IPCEF1: variants seen among roughly 807,000 people sequenced by gnomAD.
IPCEF1 encodes the protein interactor protein for cytohesin exchange factors 1.
IPCEF1 carries 31 observed loss-of-function variants against 50.9 expected under a neutral mutation model. That is an observed-to-expected ratio of 0.61 (90% confidence interval 0.46 to 0.82). The LOEUF is 0.82. IPCEF1 is among the 40% of genes least tolerant of loss of function. The pLI is 0.00. For synonymous variants in IPCEF1, 181 were observed against 192.0 expected, an observed-to-expected ratio of 0.94 and a Z score of 0.47; for missense variants, 458 against 514.0, an observed-to-expected ratio of 0.89 and a Z score of 1.05.
chr6:154,185,516 A>T (rs1399612017), intron 10 of IPCEF1, among the ~76,000 whole-genome samples: 1 of 152,246 alleles, frequency 6.6e-6, no homozygotes, highest in Non-Finnish European at 1.5e-5. Flanking sequence ...TGTATGGCTG[A>T]TATAATACAT....
rs916940292 is a variant in IPCEF1 at position 154,168,605 on chromosome 6, TTTA to T, written c.911-495_911-493del. ...GAATTTTATTAATTAATTAATTAAT[TTTA>T]TTATTATTTTTTTTGAGACGGAGTT... On this transcript the variant is annotated intron_variant, in intron 10 of 11. Coordinates refer to ENST00000367220, the MANE Select transcript of IPCEF1 (RefSeq NM_001130700.2). The surrounding 1 kb of genome is among the most constrained non-coding windows in gnomAD (Gnocchi z 4.1). Among the ~76,000 whole-genome samples the T allele has an allele frequency of 2.6e-5, 4 of 152,066 alleles. No homozygotes were observed. The highest frequency in any genetic ancestry group is 9.6e-5 in the African/African-American group (4 of 41,454).
intron 10 of IPCEF1, among the ~76,000 whole-genome samples, chr6:154,173,338 T>A (rs1247447733): frequency 6.6e-6 from 1 of 152,092 alleles, no homozygotes; most frequent in East Asian, 1.9e-4. Flanking sequence ...TTGACAGAAG[T>A]AGGCTTCAGA....
Position 154,266,110 on chromosome 6 carries a change from G to A in IPCEF1, c.-17-146C>T. 3 of 589,344 alleles carry A rather than the reference G, an allele frequency of 5.1e-6. 1 individual carries two copies. In the South Asian group the frequency reaches 6.5e-5, roughly 13 times the overall value. The allele number at this position is 589,344 out of a possible 1,614,324, so 36.5% of individuals were successfully genotyped here. On this transcript the variant is annotated intron_variant, in intron 2 of 11. Transcript: ENST00000367220. ...AATTCATTAAATAGCCTTTCGGCCA[G>A]GCATGGTGGCTCATGCCTCTAGTCC...
intron 1 of IPCEF1, among the ~76,000 whole-genome samples, chr6:154,322,563 C>T (rs765212617): frequency 2.6e-5 from 4 of 151,922 alleles, no homozygotes; most frequent in Non-Finnish European, 4.4e-5. Context: ...GTTGGCCAGG[C>T]GTGTTGGCTC....
At chr6:154,277,639 G>GGTT (rs941073374) in intron 2 of IPCEF1, among the ~76,000 whole-genome samples, 3 of 152,190 alleles carry the variant, frequency 2.0e-5, no homozygotes, top group South Asian at 4.2e-4. Flanking sequence ...CTCTTTTATT[G>GGTT]GTTGTTGTTG....
intron 1 of IPCEF1, among the ~76,000 whole-genome samples, chr6:154,345,619 C>T (rs1378705045): frequency 4.6e-5 from 7 of 152,168 alleles, no homozygotes; most frequent in East Asian, 1.9e-4. Context: ...TTTTGTTTTA[C>T]GTGACTGCTC....
At chr6:154,227,562 A>G (rs114439036) in intron 5 of IPCEF1, among the ~76,000 whole-genome samples, 627 of 152,250 alleles carry the variant, frequency 4.1e-3, no homozygotes, top group African/African-American at 0.015. Flanking sequence ...CTGCAAAAGT[A>G]TAAAAATTAG....
At chr6:154,267,784 A>C (rs1781795991) in intron 2 of IPCEF1, among the ~76,000 whole-genome samples, 1 of 152,072 alleles carries the variant, frequency 6.6e-6, no homozygotes, top group South Asian at 2.1e-4. Context: ...GGCAGAGAGG[A>C]GGCCCTGGAA....
chr6:154,218,134 G>A (rs905768647), intron 7 of IPCEF1, among the ~76,000 whole-genome samples: 3 of 152,170 alleles, frequency 2.0e-5, no homozygotes, highest in Admixed American at 2.0e-4. Context: ...CTGTGGCTAA[G>A]TAGATGGATG....
At chr6:154,209,639 G>A (rs1475776283) in intron 9 of IPCEF1, among the ~76,000 whole-genome samples, 1 of 111,220 alleles carries the variant, frequency 9.0e-6, no homozygotes, top group Admixed American at 9.1e-5. Flanking sequence ...CTGAGACTGT[G>A]TCTCAAAAAA....
At chr6:154,338,255 T>C (rs1345709413) in intron 1 of IPCEF1, among the ~76,000 whole-genome samples, 1 of 152,236 alleles carries the variant, frequency 6.6e-6, no homozygotes, top group Non-Finnish European at 1.5e-5. Flanking sequence ...TGATGCCTTA[T>C]AGCTAGGCTT....
rs756494619 is a variant in IPCEF1, at chr6:154,214,215, T to G, written c.451+3A>C. The stretch of plus-strand genomic sequence containing the variant: ...ATTTTCAGAAATTTAAAATAGAACA[T>G]ACCTTCATCCTTTGTAGTGGATTCC... On this transcript the variant is annotated splice_donor_region_variant and intron_variant, in intron 8 of 11. Coordinates refer to ENST00000367220, the MANE Select transcript of IPCEF1 (RefSeq NM_001130700.2). 5 of 1,589,670 alleles carry G rather than the reference T, an allele frequency of 3.1e-6. No homozygotes were observed. Among genetic ancestry groups the G allele is most frequent in the Admixed American group, 1.7e-5 (1 of 59,978 alleles).
At chr6:154,189,694 C>T (rs1350121442) in intron 10 of IPCEF1, among the ~76,000 whole-genome samples, 3 of 151,948 alleles carry the variant, frequency 2.0e-5, no homozygotes, top group African/African-American at 4.8e-5. Flanking sequence ...CCGGGCCAGG[C>T]GCGGTGGCTG....
rs376353726 is a variant in IPCEF1 at position 154,229,040 on chromosome 6, T to C, written c.247-5797A>G. On this transcript the variant is annotated intron_variant, in intron 5 of 11. Coordinates refer to ENST00000367220, the MANE Select transcript of IPCEF1 (RefSeq NM_001130700.2). ...TAGGTGTGACCATTTCCAAAACTTTTTCCCTATTCCCTTAAGTCTGGACTA... is the reference window on the plus strand; with the variant it reads ...TAGGTGTGACCATTTCCAAAACTTTCTCCCTATTCCCTTAAGTCTGGACTA... 6.6e-5 allele frequency among the ~76,000 whole-genome samples: 10 copies of C among 152,362 alleles called. No homozygotes were observed. The East Asian group carries it at 1.5e-3, about 24-fold the overall frequency.
At chr6:154,288,264 G>A (rs1277667354) in intron 2 of IPCEF1, among the ~76,000 whole-genome samples, 4 of 152,162 alleles carry the variant, frequency 2.6e-5, no homozygotes, top group Non-Finnish European at 5.9e-5. Context: ...TTATTGTCTG[G>A]GTCATAGAAA....
intron 1 of IPCEF1, chr6:154,306,819 G>C (rs1217327917): frequency 6.6e-6 from 1 of 152,252 alleles, no homozygotes; most frequent in Admixed American, 6.5e-5. Context: ...CCAATGCCCA[G>C]ACCCAGCTCT....
intron 2 of IPCEF1, among the ~76,000 whole-genome samples, chr6:154,282,018 A>C (rs1342827802): frequency 1.3e-5 from 2 of 151,974 alleles, no homozygotes; most frequent in East Asian, 3.9e-4. Flanking sequence ...AACAACAACA[A>C]AATATCCTGG....
intron 5 of IPCEF1, among the ~76,000 whole-genome samples, chr6:154,230,257 G>A (rs774032364): frequency 2.0e-5 from 3 of 152,168 alleles, no homozygotes; most frequent in Non-Finnish European, 4.4e-5. Flanking sequence ...AGGTTCATCA[G>A]TTATAACAAA....
intron 9 of IPCEF1, among the ~76,000 whole-genome samples, chr6:154,208,172 C>T (rs1394510860): frequency 6.6e-6 from 1 of 151,748 alleles, no homozygotes; most frequent in Non-Finnish European, 1.5e-5. Flanking sequence ...GGCCCATATG[C>T]CCTCCACGAT....
Sources: gnomAD v4.1 joint callset for allele counts (sites outside exome capture counted in the v4.1 genomes callset) on GRCh38, gnomAD v4.1.1 for gene constraint, Gnocchi (gnomAD v3.1) non-coding constraint, MANE v1.5 for transcripts, NCBI Gene and HGNC (gene_info 2026-07-23, HGNC 2026-07-21) for gene names.